Variants in SGMS1 observed in about 807,000 individuals in gnomAD.
SGMS1 encodes sphingomyelin synthase 1, also known as phosphatidylcholine:ceramide cholinephosphotransferase 1.
A neutral mutation model predicts 46.2 loss-of-function variants in SGMS1; 13 were observed. The ratio of observed to expected loss-of-function variants is 0.28; its 90% CI spans 0.18 to 0.45. The LOEUF (loss-of-function observed/expected upper bound fraction) is 0.45. Among genes scored for constraint, SGMS1 ranks in the 20% least tolerant of loss-of-function variants. The probability of loss-of-function intolerance (pLI) is 1.00; values close to 1 mark genes in which losing one functional copy is unlikely to be tolerated. For missense variants in SGMS1, 324 were observed against 519.9 expected (o/e 0.62, Z 3.66); for synonymous variants, 203 against 187.8 (o/e 1.08, Z -0.66).
intron 6 of SGMS1, among the ~76,000 whole-genome samples, chr10:50,397,906 G>A (rs576916893): frequency 6.6e-6 from 1 of 152,282 alleles, no homozygotes; most frequent in South Asian, 2.1e-4. Flanking sequence ...GAATCTGCCT[G>A]AAATAGGTAG....
At chr10:50,483,627 G>C (rs1361129035) in intron 3 of SGMS1, among the ~76,000 whole-genome samples, 2 of 152,056 alleles carry the variant, frequency 1.3e-5, no homozygotes, top group Admixed American at 6.6e-5. Flanking sequence ...CTCTAAAATT[G>C]ATTACATAAT....
chr10:50,583,808 T>C (rs1348697992), intron 2 of SGMS1, among the ~76,000 whole-genome samples: 3 of 152,214 alleles, frequency 2.0e-5, no homozygotes, highest in African/African-American at 4.8e-5. Flanking sequence ...ATACTTTCAG[T>C]ACTTTCCCCT....
At chr10:50,429,720 CACACACACACACACACACACAT>C (rs1051075110) in intron 6 of SGMS1, among the ~76,000 whole-genome samples, 24 of 14,460 alleles carry the variant, frequency 1.7e-3, no homozygotes, top group Admixed American at 3.6e-3. Context: ...CACACACACA[CACACACACACACACACACACAT>C]ACTCTTTTCT....
chr10:50,429,678 T>C (rs973918311), intron 6 of SGMS1, among the ~76,000 whole-genome samples: 4 of 149,722 alleles, frequency 2.7e-5, no homozygotes, highest in African/African-American at 5.0e-5. Flanking sequence ...TCTACTCTTA[T>C]AGTTTTTTCT....
chr10:50,525,246 A>C (rs1837890728), intron 2 of SGMS1, among the ~76,000 whole-genome samples: 1 of 152,178 alleles, frequency 6.6e-6, no homozygotes, highest in Admixed American at 6.5e-5. Context: ...AAATTGAATG[A>C]GTGAAGATTA....
intron 2 of SGMS1, among the ~76,000 whole-genome samples, chr10:50,543,470 C>G (rs540510623): frequency 1.3e-5 from 2 of 152,246 alleles, no homozygotes; most frequent in South Asian, 4.2e-4. Context: ...GGCTAAGAAA[C>G]AAATATGTGG....
At chr10:50,445,927 G>A (rs1283191781) in intron 5 of SGMS1, among the ~76,000 whole-genome samples, 1 of 152,050 alleles carries the variant, frequency 6.6e-6, no homozygotes, top group Non-Finnish European at 1.5e-5. Flanking sequence ...CATTTCTAAG[G>A]GGAGGCCTCT....
chr10:50,462,511 G>A (rs1394448755), intron 4 of SGMS1, among the ~76,000 whole-genome samples: 1 of 152,052 alleles, frequency 6.6e-6, no homozygotes, highest in South Asian at 2.1e-4. Flanking sequence ...GATGCTTATG[G>A]GTCACTTGAC....
intron 7 of SGMS1, among the ~76,000 whole-genome samples, chr10:50,332,956 C>T (rs931175613): frequency 2.0e-5 from 3 of 152,186 alleles, no homozygotes; most frequent in Admixed American, 6.5e-5. Context: ...TAAACACAAA[C>T]TCAATTTCTT....
chr10:50,475,214 A>C (rs1168593779), intron 3 of SGMS1, among the ~76,000 whole-genome samples: 1 of 152,228 alleles, frequency 6.6e-6, no homozygotes, highest in East Asian at 1.9e-4. Context: ...ATCTACCTGG[A>C]AGAAAAGATA....
intron 3 of SGMS1, among the ~76,000 whole-genome samples, chr10:50,493,564 A>G (rs556444020): frequency 3.3e-5 from 5 of 152,332 alleles, no homozygotes; most frequent in Admixed American, 3.3e-4. Flanking sequence ...TTTGCAAACT[A>G]TGCATCTGAC....
At chr10:50,364,762 A>C (rs1411894008) in intron 6 of SGMS1, among the ~76,000 whole-genome samples, 1 of 152,146 alleles carries the variant, frequency 6.6e-6, no homozygotes, top group African/African-American at 2.4e-5. Flanking sequence ...CCCTTCTCTC[A>C]TACACCATCA....
At chr10:50,328,168 T>G in intron 7 of SGMS1, 1 of 271,852 alleles carries the variant, frequency 3.7e-6, no homozygotes, top group Non-Finnish European at 7.2e-6. Flanking sequence ...CGTCTCCTAA[T>G]ATAAAAATTC....
rs539250428 is a variant in SGMS1 at position 50,325,364 on chromosome 10, G to T, written c.741+1841C>A. Among the ~76,000 whole-genome samples, 4 of 152,232 alleles carry T rather than the reference G, an allele frequency of 2.6e-5. No individual in the cohort carries two copies. The South Asian group carries it at 8.3e-4, about 32-fold the overall frequency. The stretch of plus-strand genomic sequence containing the variant: ...AATTAGATTTAATGAGTTTTAACTA[G>T]TATTTTTTTCTAAGGTGTGCTAATA... On this transcript the variant is annotated intron_variant, in intron 8 of 10. Transcript: ENST00000361781.
intron 5 of SGMS1, among the ~76,000 whole-genome samples, chr10:50,455,552 C>G (rs543856246): frequency 6.6e-6 from 1 of 152,302 alleles, no homozygotes; most frequent in East Asian, 1.9e-4. Flanking sequence ...TCATTCTTTG[C>G]TGGTTAAAAA....
At chr10:50,358,266 C>G (rs1408117683) in intron 6 of SGMS1, among the ~76,000 whole-genome samples, 1 of 152,170 alleles carries the variant, frequency 6.6e-6, no homozygotes, top group African/African-American at 2.4e-5. Flanking sequence ...TTAGCTCAAA[C>G]TTTATAACAC....
intron 6 of SGMS1, among the ~76,000 whole-genome samples, chr10:50,415,114 C>T (rs1434345356): frequency 6.6e-6 from 1 of 152,232 alleles, no homozygotes; most frequent in South Asian, 2.1e-4. Flanking sequence ...GAGCGAGACT[C>T]CGTCTCAAAA....
At chr10:50,578,318 C>A (rs1341331497) in intron 2 of SGMS1, among the ~76,000 whole-genome samples, 1 of 152,136 alleles carries the variant, frequency 6.6e-6, no homozygotes, top group Non-Finnish European at 1.5e-5. Flanking sequence ...TGGTCAAGGA[C>A]AAATGGCATT....
At chr10:50,542,447 A>T (rs114620597) in intron 2 of SGMS1, among the ~76,000 whole-genome samples, 1 of 152,100 alleles carries the variant, frequency 6.6e-6, no homozygotes, top group African/African-American at 2.4e-5. Flanking sequence ...CAAAGAAGAA[A>T]CACTAAAATT....
Sources: gnomAD v4.1 joint callset for allele counts (sites outside exome capture counted in the v4.1 genomes callset) on GRCh38, gnomAD v4.1.1 for gene constraint, MANE v1.5 for transcripts, NCBI Gene and HGNC (gene_info 2026-07-23, HGNC 2026-07-21) for gene names.